Variants in FMNL3 observed in about 807,000 individuals in gnomAD.
FMNL3 encodes the protein formin like 3.
In FMNL3, 57 loss-of-function variants were observed where a neutral mutation model predicts 119.6. The ratio of observed to expected loss-of-function variants is 0.48; its 90% CI spans 0.39 to 0.59. The LOEUF (loss-of-function observed/expected upper bound fraction) is 0.59, where lower values mean the gene tolerates loss of function less well. FMNL3 is among the 20% of genes least tolerant of loss of function. The pLI is 0.00. For synonymous variants in FMNL3, 491 were observed against 507.3 expected, an observed-to-expected ratio of 0.97 and a Z score of 0.43; for missense variants, 1,053 against 1,323.5, an observed-to-expected ratio of 0.80 and a Z score of 3.17.
At position 49,637,472 on chromosome 12, in the gene FMNL3, C is replaced by G. The variant is rs1565838857; in HGVS notation, c.*8343G>C. The G allele has an allele frequency of 6.2e-7, 1 of 1,612,748 alleles. No individual in the cohort carries two copies. ...ATAACTGGCCTCTCCCTGCTCAGAC[C>G]TTCCTGGACGAGCTGCATGAGACAG... On this transcript the variant is annotated 3_prime_UTR_variant, in exon 26 of 26. Transcript: ENST00000335154.
In FMNL3 at chr12:49,707,151, G is replaced by T. The variant is rs568697668; in HGVS notation, c.30C>A (p.Val10=). 6.3e-5 allele frequency: 100 copies of T among 1,590,604 alleles called. 2 individuals carry two copies. The South Asian group carries it at 1.1e-3, about 17-fold the overall frequency. Residue 10 remains valine, a synonymous_variant, in exon 1 of 26, where the codon GTC becomes GTA. Coordinates refer to ENST00000335154, the MANE Select transcript of FMNL3 (RefSeq NM_175736.5). MGNLESAEG[V]PGEPPSVPLL... ...ACGGGACAGAGGGGGGCTCTCCCGG[G>T]ACCCCCTCGGCGCTCTCCAGGTTGC...
At chr12:49,694,476 G>T (rs969884520) in intron 1 of FMNL3, among the ~76,000 whole-genome samples, 2 of 152,108 alleles carry the variant, frequency 1.3e-5, no homozygotes, top group African/African-American at 4.8e-5. Context: ...AAGGTGAGGT[G>T]GGGGAGTTAG....
At chr12:49,659,937 A>G in intron 5 of FMNL3, 1 of 985,460 alleles carries the variant, frequency 1.0e-6, no homozygotes, top group Non-Finnish European at 1.2e-6. Context: ...CATGGGGTCA[A>G]AGGCACAGAG....
intron 2 of FMNL3, 134 bp from the exon 3 acceptor site, chr12:49,666,341 T>C (rs776169603): frequency 5.2e-5 from 37 of 708,952 alleles, no homozygotes; most frequent in Non-Finnish European, 7.2e-5. Context: ...TGGCTCTAGA[T>C]ATCACCTAAA....
At chr12:49,659,985 C>T (rs1289278403) in intron 5 of FMNL3, 8 of 984,094 alleles carry the variant, frequency 8.1e-6, no homozygotes, top group Admixed American at 1.2e-4. Flanking sequence ...TATTTACAGA[C>T]GTCAGAATGT....
At position 49,648,212 on chromosome 12, in the gene FMNL3, C is replaced by T. The variant is rs759869506; in HGVS notation, c.2657G>A (p.Arg886Gln). ...GCTTGCCTCAGCCGTCTTGGCGTCC[C>T]GCTGGAGCTTGTCTAGTTTGCCTTC... is the stretch of plus-strand genomic sequence containing the variant. ...TNEGKLDKLQ[R>Q]DAKTAEEAYN... Residue 886 changes from arginine (R) to glutamine (Q), a missense_variant, in exon 22 of 26, where the codon CGG becomes CAG. Arg to Gln is a conservative substitution (Grantham distance 43, BLOSUM62 1). Transcript: ENST00000335154. 1.4e-5 allele frequency: 23 copies of T among 1,613,444 alleles called. No individual in the cohort carries two copies. Among genetic ancestry groups the T allele is most frequent in the South Asian group, 2.2e-5 (2 of 90,986 alleles).
intron 1 of FMNL3, among the ~76,000 whole-genome samples, chr12:49,694,559 A>G (rs777594278): frequency 2.6e-5 from 4 of 152,214 alleles, no homozygotes; most frequent in Non-Finnish European, 4.4e-5. Flanking sequence ...TTACTCTGCC[A>G]TTAATATTGA....
intron 1 of FMNL3, among the ~76,000 whole-genome samples, chr12:49,669,872 AACAC>A (rs1409144556): frequency 6.6e-6 from 1 of 151,628 alleles, no homozygotes; most frequent in Non-Finnish European, 1.5e-5. Flanking sequence ...AACAAAACAA[AACAC>A]ACAAACAAAA....
At chr12:49,657,924 A>G (rs1459932578) in intron 6 of FMNL3, among the ~76,000 whole-genome samples, 1 of 152,184 alleles carries the variant, frequency 6.6e-6, no homozygotes, top group Admixed American at 6.5e-5. Context: ...GCGGCTCTTA[A>G]GACACCGCAG....
chr12:49,687,384 G>A (rs1198358792), intron 1 of FMNL3, among the ~76,000 whole-genome samples: 2 of 151,804 alleles, frequency 1.3e-5, no homozygotes, highest in Non-Finnish European at 2.9e-5. Flanking sequence ...GAGCCACCGC[G>A]CCTGGCCCCT....
chr12:49,654,071 C>T, intron 11 of FMNL3, 121 bp downstream of exon 11: 2 of 1,175,772 alleles, frequency 1.7e-6, no homozygotes, highest in African/African-American at 3.1e-5. Context: ...TCCCAGGCTA[C>T]AGAAGACAGG....
intron 25 of FMNL3, 39 bp downstream of exon 25, chr12:49,646,847 G>T: frequency 6.2e-7 from 1 of 1,611,248 alleles, no homozygotes; most frequent in African/African-American, 1.3e-5. Flanking sequence ...TGGGAGCTGG[G>T]TGCAATGGCC....
chr12:49,676,665 C>T (rs940534381), intron 1 of FMNL3, among the ~76,000 whole-genome samples: 2 of 151,888 alleles, frequency 1.3e-5, no homozygotes, highest in Non-Finnish European at 2.9e-5. Flanking sequence ...CCTGCTCCTA[C>T]CACTCCTACC....
At chr12:49,664,999 T>A (rs1943848240) in intron 4 of FMNL3, among the ~76,000 whole-genome samples, 1 of 151,946 alleles carries the variant, frequency 6.6e-6, no homozygotes, top group Non-Finnish European at 1.5e-5. Flanking sequence ...ATCAGGTCTA[T>A]ACCCCTGCCT....
At position 49,645,824 on chromosome 12, in the gene FMNL3, G is replaced by T; in HGVS notation, c.3075C>A (p.Gly1025=). Residue 1025 remains glycine (G), a synonymous_variant, in exon 26 of 26, where the codon GGC becomes GGA. Transcript: ENST00000335154. ...TGCCTCCGAGAGGGTCTCAGTGGGG[G>T]CCTGGAGCCCGAGGGGGACCACTGG... ...APPSGPPRAP[G]PH The T allele has an allele frequency of 6.2e-7, 1 of 1,602,214 alleles. No individual in the cohort carries two copies. Among genetic ancestry groups the T allele is most frequent in the Non-Finnish European group, 8.5e-7 (1 of 1,176,174 alleles).
At position 49,680,940 on chromosome 12, in the gene FMNL3, C is replaced by G. The variant is rs558639218; in HGVS notation, c.127-12386G>C. 2.6e-5 allele frequency among the ~76,000 whole-genome samples: 4 copies of G among 152,362 alleles called. No homozygotes were observed. In the South Asian group the frequency reaches 8.3e-4, roughly 32 times the overall value. On this transcript the variant is annotated intron_variant, in intron 1 of 25. Coordinates refer to ENST00000335154, the MANE Select transcript of FMNL3 (RefSeq NM_175736.5). ...AAGGTTTTCTACCATGTTCGCCCAT[C>G]TCCTTACAAAGAAAACAAATCTCTT... is the stretch of plus-strand genomic sequence containing the variant.
intron 1 of FMNL3, among the ~76,000 whole-genome samples, chr12:49,674,766 G>A (rs1016744216): frequency 7.2e-5 from 11 of 152,226 alleles, no homozygotes; most frequent in Non-Finnish European, 1.2e-4. Flanking sequence ...ACCATGTCTG[G>A]AGAACGTGCT....
rs542033356 is a variant in FMNL3 at position 49,668,951 on chromosome 12, G to A, written c.127-397C>T. 2.6e-4 allele frequency among the ~76,000 whole-genome samples: 40 copies of A among 152,250 alleles called. No individual in the cohort carries two copies. The South Asian group carries it at 7.2e-3, about 28-fold the overall frequency. On this transcript the variant is annotated intron_variant, in intron 1 of 25. Transcript: ENST00000335154. ...ACCATAAAATGTGACGGGAACATGA[G>A]ATGGGTCAAAAAATTTGAAAACCCA... is the stretch of plus-strand genomic sequence containing the variant.
In FMNL3 at chr12:49,641,632, A is replaced by G; in HGVS notation, c.*4183T>C. 1 of 438,988 alleles carries G rather than the reference A, an allele frequency of 2.3e-6. No individual in the cohort carries two copies. Among genetic ancestry groups the G allele is most frequent in the Middle Eastern group, 6.1e-4 (1 of 1,640 alleles). The allele number at this position is 438,988 out of a possible 1,614,324, so 27.2% of individuals were successfully genotyped here. A position where few individuals can be genotyped will look rare whatever the true frequency, so the allele number is the denominator to read the frequency against. ...GGCCAGAGCTTTAAGCCAAAGGAACAAAAGTTAATTTTGAGAAACTCAGCA... is the reference window on the plus strand; with the variant it reads ...GGCCAGAGCTTTAAGCCAAAGGAACGAAAGTTAATTTTGAGAAACTCAGCA... On this transcript the variant is annotated 3_prime_UTR_variant, in exon 26 of 26. Transcript: ENST00000335154.
Sources: allele counts gnomAD v4.1 joint callset (sites outside exome capture counted in the v4.1 genomes callset), GRCh38; gene constraint gnomAD v4.1.1; transcripts MANE v1.5; gene names NCBI Gene and HGNC (gene_info 2026-07-23, HGNC 2026-07-21).